Variants in ESCO2 observed in about 807,000 individuals in gnomAD.
The protein encoded by ESCO2 is establishment of sister chromatid cohesion N-acetyltransferase 2, also known as N-acetyltransferase ESCO2.
In ESCO2, 51 loss-of-function variants were observed where a neutral mutation model predicts 61.7. The observed-to-expected ratio is 0.83, with a 90% confidence interval of 0.66 to 1.04. The LOEUF is 1.04. ESCO2 is among the 50% of genes least tolerant of loss of function. The pLI is 0.00. For synonymous variants in ESCO2, 230 were observed against 238.2 expected (o/e 0.97, Z 0.32); for missense variants, 692 against 686.2 (o/e 1.01, Z -0.09).
intron 8 of ESCO2, 75 bp from the exon 9 acceptor site, chr8:27,792,593 C>A: frequency 7.1e-7 from 1 of 1,406,794 alleles, no homozygotes; most frequent in South Asian, 1.3e-5. Context: ...ATCATACATT[C>A]TGTGTATATA....
downstream of ESCO2, among the ~76,000 whole-genome samples, chr8:27,813,671 C>T (rs1011558130): frequency 7.5e-5 from 11 of 147,642 alleles, no homozygotes; most frequent in Middle Eastern, 6.9e-3. Flanking sequence ...CAGCAAATCT[C>T]AAGTGTACAG....
At chr8:27,817,483 CTTT>C (rs1000806072), downstream of ESCO2, among the ~76,000 whole-genome samples, 1 of 151,466 alleles carries the variant, frequency 6.6e-6, no homozygotes, top group African/African-American at 2.4e-5. Context: ...GTGTTAGTAT[CTTT>C]TATTAGGATT....
At chr8:27,800,204 GAC>G (rs998678305) in intron 10 of ESCO2, among the ~76,000 whole-genome samples, 23 of 152,280 alleles carry the variant, frequency 1.5e-4, no homozygotes, top group African/African-American at 5.1e-4. Context: ...GGATTTGTGA[GAC>G]AATCCATAGA....
chr8:27,783,966 G>C (rs897857727), intron 4 of ESCO2, 34 bp from the exon 5 acceptor site: 1 of 1,537,764 alleles, frequency 6.5e-7, no homozygotes. Context: ...ATTTTATTTG[G>C]TAATACACAT....
chr8:27,777,228 CAT>C (rs1804815670), intron 3 of ESCO2, 59 bp downstream of exon 3: 1 of 1,477,216 alleles, frequency 6.8e-7, no homozygotes, highest in Non-Finnish European at 9.2e-7. Context: ...GTATAAATGA[CAT>C]AGTTGAATAA....
chr8:27,810,873 A>G (rs892605429), downstream of ESCO2: 5 of 879,562 alleles, frequency 5.7e-6, no homozygotes, highest in East Asian at 2.6e-5. Context: ...CATCAGTACT[A>G]ATACATATCT....
chr8:27,796,590 C>G (rs761658868), intron 9 of ESCO2, among the ~76,000 whole-genome samples: 1 of 152,050 alleles, frequency 6.6e-6, no homozygotes, highest in Non-Finnish European at 1.5e-5. Context: ...TTTCATTTGT[C>G]TCAAGAAATT....
downstream of ESCO2, among the ~76,000 whole-genome samples, chr8:27,817,254 A>G (rs571969158): frequency 5.3e-5 from 8 of 152,206 alleles, no homozygotes; most frequent in Non-Finnish European, 7.4e-5. Flanking sequence ...AAATACTCTC[A>G]TATGTAACCT....
At position 27,776,226 on chromosome 8, in the gene ESCO2, C is replaced by G. The variant is rs1804785780; in HGVS notation, c.54-136C>G. On this transcript the variant is annotated intron_variant, in intron 2 of 10. Coordinates refer to ENST00000305188, the MANE Select transcript of ESCO2 (RefSeq NM_001017420.3). Reference sequence around the variant, plus strand: ...AGAATTTGAGAATCCTACTGTTAAACTAATAGAAAATTGTGTGTATGGGGG... The same window carrying G: ...AGAATTTGAGAATCCTACTGTTAAAGTAATAGAAAATTGTGTGTATGGGGG... 11 of 669,874 alleles carry G rather than the reference C, an allele frequency of 1.6e-5. No individual in the cohort carries two copies. In the South Asian group the frequency reaches 2.1e-4, roughly 13 times the overall value. 41.5% of individuals were successfully genotyped at this position (669,874 alleles called of 1,614,324 possible). A position where few individuals can be genotyped will look rare whatever the true frequency, so the allele number is the denominator to read the frequency against.
At chr8:27,791,887 C>T (rs1805183108) in intron 7 of ESCO2, 76 bp from the exon 8 acceptor site, 3 of 1,229,856 alleles carry the variant, frequency 2.4e-6, no homozygotes, top group Non-Finnish European at 3.6e-6. Context: ...TTGTCTTCTC[C>T]ACATCAAATT....
chr8:27,787,186 A>G (rs776686703), intron 5 of ESCO2, among the ~76,000 whole-genome samples: 20 of 152,296 alleles, frequency 1.3e-4, no homozygotes, highest in Admixed American at 5.9e-4. Flanking sequence ...TTTAAATACC[A>G]TATGGGCCAA....
At chr8:27,814,600 T>C (rs553614750), downstream of ESCO2, among the ~76,000 whole-genome samples, 397 of 152,252 alleles carry the variant, frequency 2.6e-3, 7 homozygotes, top group African/African-American at 9.1e-3. Flanking sequence ...TGAACATAGG[T>C]CATTGATTTA....
chr8:27,793,104 T>C (rs1805214528), intron 9 of ESCO2, among the ~76,000 whole-genome samples: 1 of 152,232 alleles, frequency 6.6e-6, no homozygotes, highest in Non-Finnish European at 1.5e-5. Flanking sequence ...TTTAAACATG[T>C]GGCTTAGTGA....
At chr8:27,789,044 C>T in intron 7 of ESCO2, 66 bp downstream of exon 7, 1 of 1,587,170 alleles carries the variant, frequency 6.3e-7, no homozygotes, top group Non-Finnish European at 8.6e-7. Context: ...TTCTTTTCCA[C>T]CACCTCTACC....
At chr8:27,785,996 A>G (rs907566290) in intron 5 of ESCO2, among the ~76,000 whole-genome samples, 1 of 152,224 alleles carries the variant, frequency 6.6e-6, no homozygotes, top group African/African-American at 2.4e-5. Flanking sequence ...TTAAACAAAT[A>G]TAGTGTTAGA....
rs1804769584 is a variant in ESCO2 at position 27,775,529 on chromosome 8, T to A, written c.15T>A (p.Thr5=). Reference sequence around the variant, plus strand: ...CAATAAAGAAAATGGCAGCTCTTACTCCAAGGAAGAGGAAGCAGGATTCTT... The same window carrying A: ...CAATAAAGAAAATGGCAGCTCTTACACCAAGGAAGAGGAAGCAGGATTCTT... MAAL[T]PRKRKQDSLK... The change falls in exon 2 of 11, where the codon ACT becomes ACA. Residue 5 remains threonine, a synonymous_variant. Transcript: ENST00000305188. The A allele has an allele frequency of 6.2e-7, 1 of 1,614,000 alleles. No individual in the cohort carries two copies.
intron 4 of ESCO2, 80 bp from the exon 5 acceptor site, chr8:27,783,920 T>A: frequency 3.1e-6 from 4 of 1,279,192 alleles, no homozygotes; most frequent in Non-Finnish European, 3.4e-6. Flanking sequence ...TTATTTTGTC[T>A]TATTAACCTT....
chr8:27,778,586 A>G (rs1004378817), intron 3 of ESCO2: 1 of 152,220 alleles, frequency 6.6e-6, no homozygotes, highest in African/African-American at 2.4e-5. Flanking sequence ...GTCTCAATCC[A>G]GTAAAACAAA....
chr8:27,776,618 G>A lies in ESCO2; in HGVS notation c.310G>A (p.Glu104Lys), dbSNP rs1804796500. The change falls in exon 3 of 11, where the codon GAG becomes AAG. Residue 104 changes from glutamate (E) to lysine (K), a missense_variant. Transcript: ENST00000305188. Reference sequence around the variant, plus strand: ...TCCACTGGAGAGAAAGCTGATAAAAGAGAGTAGATCTACTTGTCTAAAAAC... The same window carrying A: ...TCCACTGGAGAGAAAGCTGATAAAAAAGAGTAGATCTACTTGTCTAAAAAC... ...LNPLERKLIK[E>K]SRSTCLKTND... 2 of 1,614,098 alleles carry A rather than the reference G, an allele frequency of 1.2e-6. No homozygotes were observed. Among genetic ancestry groups the A allele is most frequent in the Non-Finnish European group, 1.7e-6 (2 of 1,180,008 alleles).
Sources: allele counts gnomAD v4.1 joint callset (sites outside exome capture counted in the v4.1 genomes callset), GRCh38; gene constraint gnomAD v4.1.1; transcripts MANE v1.5; gene names NCBI Gene and HGNC (gene_info 2026-07-23, HGNC 2026-07-21).